Variants in AKR1A1 observed in about 807,000 individuals in gnomAD.
AKR1A1 encodes HEL-S-165mP.
A neutral mutation model predicts 39.2 loss-of-function variants in AKR1A1; 26 were observed. The ratio of observed to expected loss-of-function variants is 0.66; its 90% CI spans 0.49 to 0.92. The LOEUF (loss-of-function observed/expected upper bound fraction) is 0.92, where lower values mean the gene tolerates loss of function less well. Among genes scored for constraint, AKR1A1 ranks in the 40% least tolerant of loss-of-function variants. The pLI, the probability that AKR1A1 is intolerant of heterozygous loss-of-function variation, is 0.00. For missense variants in AKR1A1, 378 were observed against 406.5 expected (o/e 0.93, Z 0.60); for synonymous variants, 141 against 155.5 (o/e 0.91, Z 0.69).
At chr1:45,566,822 C>G (rs1242830445) in intron 3 of AKR1A1, 47 bp from the exon 4 acceptor site, 6 of 1,601,962 alleles carry the variant, frequency 3.7e-6, no homozygotes, top group Non-Finnish European at 5.1e-6. Context: ...TGGGTGAGAC[C>G]ACGTGCTCAT....
chr1:45,567,956 A>G lies in AKR1A1; in HGVS notation c.357-26A>G, dbSNP rs1443710574. ...GTAGAAGCCTGGCATTTGTGTCCACACTTGGTGGGGCTGTCTCTCACTCAG... is the reference window on the plus strand; with the variant it reads ...GTAGAAGCCTGGCATTTGTGTCCACGCTTGGTGGGGCTGTCTCTCACTCAG... On this transcript the variant is annotated intron_variant, in intron 4 of 8. Coordinates refer to ENST00000351829, the MANE Select transcript of AKR1A1 (RefSeq NM_153326.3). The G allele has an allele frequency of 3.8e-6, 6 of 1,587,654 alleles. No homozygotes were observed. The East Asian group carries it at 1.4e-4, about 36-fold the overall frequency.
intron 8 of AKR1A1, 57 bp downstream of exon 8, chr1:45,569,286 G>A: frequency 2.1e-6 from 3 of 1,449,936 alleles, no homozygotes; most frequent in East Asian, 2.3e-5. Flanking sequence ...GTGGGATTCT[G>A]GCCCAGGTGT....
At position 45,561,874 on chromosome 1, in the gene AKR1A1, G is replaced by T; in HGVS notation, c.80G>T (p.Gly27Val). The change falls in exon 2 of 9, where the codon GGT (glycine) becomes GTT (valine). Residue 27 changes from glycine to valine, a missense_variant. Physicochemically the swap from Gly to Val is moderately radical, Grantham distance 109. Coordinates refer to ENST00000351829, the MANE Select transcript of AKR1A1 (RefSeq NM_153326.3). ...CTGGGTACCTGGAAGAGTGAGCCTGGTCAGGTGAGGGATGGGGGAAGAAAA... is the reference window on the plus strand; with the variant it reads ...CTGGGTACCTGGAAGAGTGAGCCTGTTCAGGTGAGGGATGGGGGAAGAAAA... ...IGLGTWKSEP[G>V]QVKAAVKYAL... 1 of 1,614,062 alleles carries T rather than the reference G, an allele frequency of 6.2e-7. No individual in the cohort carries two copies. The highest frequency in any genetic ancestry group is 8.5e-7 in the Non-Finnish European group (1 of 1,179,978).
chr1:45,560,061 C>T (rs982428479), intron 1 of AKR1A1, among the ~76,000 whole-genome samples: 3 of 151,378 alleles, frequency 2.0e-5, no homozygotes, highest in Non-Finnish European at 4.4e-5. Context: ...AATCTTGGCT[C>T]ACTGCAACCT....
intron 1 of AKR1A1, among the ~76,000 whole-genome samples, chr1:45,553,118 C>T (rs190736860): frequency 1.1e-4 from 16 of 147,634 alleles, no homozygotes; most frequent in Non-Finnish European, 2.1e-4. Context: ...GAGTGAGACT[C>T]TGTCTCAAAA....
At chr1:45,563,557 A>T (rs1455341208) in intron 2 of AKR1A1, among the ~76,000 whole-genome samples, 2 of 152,178 alleles carry the variant, frequency 1.3e-5, no homozygotes, top group African/African-American at 4.8e-5. Flanking sequence ...TGGGAGGCTG[A>T]GGCAGGCGGA....
At chr1:45,554,910 C>T (rs1644180603) in intron 1 of AKR1A1, among the ~76,000 whole-genome samples, 2 of 152,236 alleles carry the variant, frequency 1.3e-5, no homozygotes, top group East Asian at 1.9e-4. Context: ...AGGCTGGTCT[C>T]GAACTCCTGG....
intron 1 of AKR1A1, among the ~76,000 whole-genome samples, chr1:45,553,810 GGT>G (rs1644165138): frequency 6.6e-6 from 1 of 151,576 alleles, no homozygotes; most frequent in Non-Finnish European, 1.5e-5. Flanking sequence ...TGGTTAACAT[GGT>G]GAAACCCTGT....
intron 1 of AKR1A1, among the ~76,000 whole-genome samples, chr1:45,558,096 A>G (rs1017199270): frequency 4.6e-5 from 7 of 151,308 alleles, no homozygotes; most frequent in East Asian, 2.0e-4. Context: ...TTTAGTAGAG[A>G]GGGGGTTTCG....
chr1:45,569,095 C>A, intron 7 of AKR1A1, 48 bp from the exon 8 acceptor site: 1 of 1,603,644 alleles, frequency 6.2e-7, no homozygotes, highest in Non-Finnish European at 8.5e-7. Context: ...GGAACCCCAG[C>A]TTCTGCTCAC....
At chr1:45,560,884 C>T (rs1644268786) in intron 1 of AKR1A1, among the ~76,000 whole-genome samples, 1 of 152,028 alleles carries the variant, frequency 6.6e-6, no homozygotes, top group African/African-American at 2.4e-5. Flanking sequence ...CCCGCCACCA[C>T]GCCTGGCTAA....
chr1:45,559,673 T>A (rs1483750476), intron 1 of AKR1A1, among the ~76,000 whole-genome samples: 1 of 127,906 alleles, frequency 7.8e-6, no homozygotes, highest in African/African-American at 2.9e-5. Context: ...AGACGGAGTC[T>A]CCCTCTGTCA....
At chr1:45,556,864 T>C (rs1448386334) in intron 1 of AKR1A1, among the ~76,000 whole-genome samples, 1 of 148,954 alleles carries the variant, frequency 6.7e-6, no homozygotes, top group Admixed American at 6.8e-5. Flanking sequence ...GCAAGAAGAG[T>C]GAAACTCCAT....
intron 1 of AKR1A1, among the ~76,000 whole-genome samples, chr1:45,554,404 G>A (rs955773757): frequency 1.3e-5 from 2 of 152,164 alleles, no homozygotes; most frequent in African/African-American, 4.8e-5. Flanking sequence ...CTCCAGCCTG[G>A]ACGTTAGAGC....
chr1:45,564,632 G>A (rs1644316061), intron 2 of AKR1A1, among the ~76,000 whole-genome samples: 1 of 151,736 alleles, frequency 6.6e-6, no homozygotes, highest in Non-Finnish European at 1.5e-5. Context: ...AGTTCCCAGA[G>A]TCTGTCTACA....
chr1:45,565,661 A>T lies in AKR1A1; in HGVS notation c.85-908A>T, dbSNP rs576040455. On this transcript the variant is annotated intron_variant, in intron 2 of 8. Transcript: ENST00000351829. ...GCTAATTTTTGTATTTTTAGTAGAG[A>T]AAAGAATTTCACCATGTTGGCCAGG... Among the ~76,000 whole-genome samples, 6 of 150,720 alleles carry T rather than the reference A, an allele frequency of 4.0e-5. No individual in the cohort carries two copies. In the South Asian group the frequency reaches 1.3e-3, roughly 32 times the overall value.
intron 4 of AKR1A1, chr1:45,567,686 G>A (rs1644361609): frequency 9.3e-6 from 2 of 216,066 alleles, no homozygotes; most frequent in Middle Eastern, 1.8e-3. Context: ...AATTAGCTGC[G>A]CGTGGTGGTG....
intron 1 of AKR1A1, among the ~76,000 whole-genome samples, chr1:45,561,265 G>A (rs1392099827): frequency 6.6e-6 from 1 of 152,188 alleles, no homozygotes; most frequent in Non-Finnish European, 1.5e-5. Context: ...GAGAAGGGCA[G>A]CCAGGCTGGT....
At chr1:45,562,162 A>C (rs193172999) in intron 2 of AKR1A1, among the ~76,000 whole-genome samples, 8 of 152,100 alleles carry the variant, frequency 5.3e-5, no homozygotes, top group African/African-American at 1.4e-4. Context: ...ATGACCCCTA[A>C]TATGGCAGTT....
Sources: allele counts gnomAD v4.1 joint callset (sites outside exome capture counted in the v4.1 genomes callset), GRCh38; gene constraint gnomAD v4.1.1; transcripts MANE v1.5; gene names NCBI Gene and HGNC (gene_info 2026-07-23, HGNC 2026-07-21).